RIC3: variants seen among roughly 807,000 people sequenced by gnomAD.
RIC3 encodes the protein RIC3 acetylcholine receptor chaperone, also known as protein RIC-3.
A neutral mutation model predicts 27.3 loss-of-function variants in RIC3; 28 were observed. The ratio of observed to expected loss-of-function variants is 1.02; its 90% CI spans 0.76 to 1.41. The LOEUF is 1.41. Ranked by LOEUF, RIC3 falls within the 40% of genes most tolerant of loss-of-function variation. RIC3 has a pLI of 0.00. For synonymous variants in RIC3, 184 were observed against 160.4 expected (o/e 1.15, Z -1.11); for missense variants, 501 against 444.7 (o/e 1.13, Z -1.14).
chr11:8,105,083 G>A (rs1420990590), downstream of RIC3: 1 of 152,152 alleles, frequency 6.6e-6, no homozygotes. Flanking sequence ...TGCAGTGAGG[G>A]GAGATGCTGG....
intron 5 of RIC3, among the ~76,000 whole-genome samples, chr11:8,117,280 G>A (rs1366551366): frequency 1.3e-5 from 2 of 152,154 alleles, no homozygotes; most frequent in African/African-American, 4.8e-5. Flanking sequence ...GCCCAGGCTG[G>A]TCTTGAACTC....
At chr11:8,133,060 A>G (rs1947927369) in intron 4 of RIC3, among the ~76,000 whole-genome samples, 1 of 152,244 alleles carries the variant, frequency 6.6e-6, no homozygotes, top group Admixed American at 6.5e-5. Context: ...TGATTAGGAC[A>G]TGAGAGCAGA....
rs139107086 is a variant in RIC3, at chr11:8,111,033, C to T, written c.775G>A (p.Glu259Lys). The change falls in exon 6 of 6, where the codon GAA becomes AAA. Residue 259 changes from glutamate to lysine, a missense_variant. Transcript: ENST00000309737. ...ATTCCCATTCTTTCAGCTATTTCTT[C>T]AGCAGAAAGTTCTTTTGGGTCAGGG... ...DYPDPKELSAEEIAERMGMIE... is the reference protein window; with the variant it reads ...DYPDPKELSAKEIAERMGMIE... 23 of 1,614,022 alleles carry T rather than the reference C, an allele frequency of 1.4e-5. No individual in the cohort carries two copies. The African/African-American group carries it at 2.8e-4, about 20-fold the overall frequency.
At chr11:8,099,607 C>T in the RIC3 span, among the ~76,000 whole-genome samples, 3 of 152,142 alleles carry the variant, frequency 2.0e-5, no homozygotes, top group East Asian at 5.8e-4. Context: ...TAAATGTATA[C>T]CTTTATGGGA....
intron 1 of RIC3, among the ~76,000 whole-genome samples, chr11:8,143,298 T>C (rs1949278880): frequency 6.6e-6 from 1 of 151,754 alleles, no homozygotes. Flanking sequence ...CAGCCCAAAA[T>C]CTCCTTAAGC....
intron 5 of RIC3, among the ~76,000 whole-genome samples, chr11:8,119,181 G>A (rs1484942353): frequency 6.6e-6 from 1 of 152,068 alleles, no homozygotes; most frequent in Non-Finnish European, 1.5e-5. Context: ...TAAATGCTTG[G>A]CAAAAATACT....
At chr11:8,101,518 G>C (rs1250037349), downstream of RIC3, 1 of 1,614,232 alleles carries the variant, frequency 6.2e-7, no homozygotes, top group Non-Finnish European at 8.5e-7. Context: ...TGGCCGGGTA[G>C]CAGAGGATGT....
chr11:8,115,318 A>C (rs570389661), intron 5 of RIC3, among the ~76,000 whole-genome samples: 53 of 152,078 alleles, frequency 3.5e-4, no homozygotes, highest in Admixed American at 6.5e-4. Context: ...CAAAAACAAA[A>C]AAAAAAAAGG....
chr11:8,134,545 G>T (rs532326499), intron 4 of RIC3, among the ~76,000 whole-genome samples: 13 of 152,252 alleles, frequency 8.5e-5, no homozygotes, highest in Middle Eastern at 3.4e-3. Flanking sequence ...GGTATTTCTA[G>T]TTCTGGATCC....
intron 4 of RIC3, among the ~76,000 whole-genome samples, chr11:8,128,648 C>T (rs1387700268): frequency 1.3e-5 from 2 of 151,660 alleles, no homozygotes; most frequent in Admixed American, 6.6e-5. Flanking sequence ...TCAATAATTA[C>T]GTGTTAGTTT....
At chr11:8,103,196 C>T (rs1944380171), downstream of RIC3, 1 of 152,200 alleles carries the variant, frequency 6.6e-6, no homozygotes, top group Non-Finnish European at 1.5e-5. Context: ...GAGCCTAACT[C>T]CCTCCACTAC....
At chr11:8,137,857 A>T (rs1235773503) in intron 3 of RIC3, among the ~76,000 whole-genome samples, 1 of 141,906 alleles carries the variant, frequency 7.0e-6, no homozygotes, top group African/African-American at 2.6e-5. Flanking sequence ...TAATTTCCCT[A>T]GAGAACACAG....
At chr11:8,100,458 GTAAA>G in the RIC3 span, 2 of 1,509,904 alleles carry the variant, frequency 1.3e-6, no homozygotes, top group Non-Finnish European at 1.8e-6. Flanking sequence ...TCTCCAGTAG[GTAAA>G]TAGACGCCTC....
intron 5 of RIC3, among the ~76,000 whole-genome samples, chr11:8,113,707 G>A (rs1173219892): frequency 6.6e-6 from 1 of 152,104 alleles, no homozygotes; most frequent in East Asian, 1.9e-4. Context: ...CATTGGGCCG[G>A]CCCTCAGAAC....
At position 8,109,794 on chromosome 11, in the gene RIC3, G is replaced by A. The variant is rs1240358253; in HGVS notation, c.*904C>T. 1 of 152,164 alleles carries A rather than the reference G, an allele frequency of 6.6e-6. No individual in the cohort carries two copies. The highest frequency in any genetic ancestry group is 1.5e-5 in the Non-Finnish European group (1 of 68,066). 9.4% of individuals were successfully genotyped at this position (152,164 alleles called of 1,614,324 possible). ...TTCTGAGCTCCTCATGGCAGGAGCA[G>A]AATTCACAATCTTGAGCCCTCTTAT... is the stretch of plus-strand genomic sequence containing the variant. On this transcript the variant is annotated 3_prime_UTR_variant, in exon 6 of 6. Transcript: ENST00000309737.
chr11:8,126,307 A>T (rs1946984121), intron 5 of RIC3, among the ~76,000 whole-genome samples: 1 of 152,200 alleles, frequency 6.6e-6, no homozygotes, highest in Admixed American at 6.5e-5. Context: ...CATGAATGTC[A>T]AAAGTATTAC....
At chr11:8,157,137 C>T (rs1003951428) in intron 1 of RIC3, among the ~76,000 whole-genome samples, 6 of 152,054 alleles carry the variant, frequency 3.9e-5, no homozygotes, top group African/African-American at 1.2e-4. Context: ...GTGATCATGA[C>T]GGATCAAGAC....
At chr11:8,166,560 C>G (rs1590448370) in intron 1 of RIC3, among the ~76,000 whole-genome samples, 2 of 152,054 alleles carry the variant, frequency 1.3e-5, no homozygotes, top group East Asian at 3.9e-4. Flanking sequence ...GAGTATGTAC[C>G]TTTTTCTAGA....
At chr11:8,131,107 T>C (rs932251223) in intron 4 of RIC3, among the ~76,000 whole-genome samples, 35 of 149,532 alleles carry the variant, frequency 2.3e-4, no homozygotes, top group African/African-American at 6.6e-4. Context: ...CATTCATTCA[T>C]TCACTCACTC....
Sources: allele counts gnomAD v4.1 joint callset (sites outside exome capture counted in the v4.1 genomes callset), GRCh38; gene constraint gnomAD v4.1.1; transcripts MANE v1.5; gene names NCBI Gene and HGNC (gene_info 2026-07-23, HGNC 2026-07-21).